FAM133B: variants seen among roughly 807,000 people sequenced by gnomAD.
The protein encoded by FAM133B is protein FAM133B.
Under a neutral mutation model 46.4 loss-of-function variants are expected in FAM133B, and 25 were observed. That is an observed-to-expected ratio of 0.54 (90% CI 0.39 to 0.75). FAM133B has a LOEUF of 0.75. Among genes scored for constraint, FAM133B ranks in the 30% least tolerant of loss-of-function variants. The pLI is 0.00. For missense variants in FAM133B, 205 were observed against 277.6 expected, an observed-to-expected ratio of 0.74 and a Z score of 1.86; for synonymous variants, 75 against 86.0, an observed-to-expected ratio of 0.87 and a Z score of 0.71.
At chr7:92,584,139 C>T (rs539177049) in intron 1 of FAM133B, among the ~76,000 whole-genome samples, 1 of 151,208 alleles carries the variant, frequency 6.6e-6, no homozygotes, top group African/African-American at 2.4e-5. Context: ...TATCTCACTG[C>T]AACTTTGAAA....
intron 8 of FAM133B, among the ~76,000 whole-genome samples, chr7:92,574,475 C>T (rs547529439): frequency 2.0e-5 from 3 of 152,062 alleles, no homozygotes; most frequent in African/African-American, 7.2e-5. Context: ...AGTTTTGAAA[C>T]GAGAGTGAGA....
At chr7:92,577,996 G>C in intron 5 of FAM133B, 154 bp downstream of exon 5, 1 of 721,202 alleles carries the variant, frequency 1.4e-6, no homozygotes, top group South Asian at 2.0e-5. Context: ...GTCAGTGATA[G>C]AACAAAATCA....
rs138815303 is a variant in FAM133B at position 92,564,582 on chromosome 7, T to C, written c.657+1432A>G. Among the ~76,000 whole-genome samples the C allele has an allele frequency of 7.2e-3, 1,101 of 152,290 alleles. 14 individuals are homozygous for C. The highest frequency in any genetic ancestry group is 0.025 in the African/African-American group (1,052 of 41,546). ...CATCGTAGGCTTGGAGCACATAAAATGTTATTTCTGAATCATTACTAGGGG... is the reference window on the plus strand; with the variant it reads ...CATCGTAGGCTTGGAGCACATAAAACGTTATTTCTGAATCATTACTAGGGG... On this transcript the variant is annotated intron_variant, in intron 10 of 10. Transcript: ENST00000445716.
chr7:92,579,182 GC>G lies in FAM133B; in HGVS notation c.201+134del, dbSNP rs375231136. On this transcript the variant is annotated intron_variant, in intron 3 of 10. Coordinates refer to ENST00000445716, the MANE Select transcript of FAM133B (RefSeq NM_152789.4). ...ATGGAGACAAGGGCGGCGGGGGGGG[GC>G]CTTACTTTGTTGCCCAGGCTGGTCA... The G allele has an allele frequency of 2.4e-5, 16 of 662,620 alleles. No individual in the cohort carries two copies. In the African/African-American group the frequency reaches 2.9e-4, roughly 12 times the overall value. 41.0% of individuals were successfully genotyped at this position (662,620 alleles called of 1,614,324 possible). A position where few individuals can be genotyped will look rare whatever the true frequency, so the allele number is the denominator to read the frequency against.
intron 3 of FAM133B, 75 bp from the exon 4 acceptor site, chr7:92,578,468 G>A: frequency 7.8e-7 from 1 of 1,281,716 alleles, no homozygotes; most frequent in South Asian, 1.3e-5. Context: ...GACAGCCACT[G>A]CTTCCTTCCC....
At chr7:92,574,561 A>C (rs994124998) in intron 8 of FAM133B, among the ~76,000 whole-genome samples, 1 of 152,196 alleles carries the variant, frequency 6.6e-6, no homozygotes, top group Admixed American at 6.5e-5. Flanking sequence ...ATTGTGTACC[A>C]TGGTATATTA....
chr7:92,578,700 G>A (rs1351786191), intron 3 of FAM133B, among the ~76,000 whole-genome samples: 2 of 152,174 alleles, frequency 1.3e-5, no homozygotes, highest in Non-Finnish European at 2.9e-5. Flanking sequence ...GGCTGTAAAA[G>A]TTGAATTAAT....
intron 10 of FAM133B, among the ~76,000 whole-genome samples, chr7:92,563,872 C>T (rs1428083951): frequency 1.3e-5 from 2 of 152,192 alleles, no homozygotes; most frequent in Non-Finnish European, 2.9e-5. Context: ...CAAAATGTAT[C>T]TCAAATCCAT....
rs181174205 is a variant in FAM133B, at chr7:92,569,292, T to G, written c.609+531A>C. Among the ~76,000 whole-genome samples, 20 of 152,310 alleles carry G rather than the reference T, an allele frequency of 1.3e-4. No homozygotes were observed. In the South Asian group the frequency reaches 2.1e-3, roughly 16 times the overall value. On this transcript the variant is annotated intron_variant, in intron 9 of 10. Coordinates refer to ENST00000445716, the MANE Select transcript of FAM133B (RefSeq NM_152789.4). ...AGAATTATGCAAACTTTAGCCACCA[T>G]TTACTCTGTCTCAGGTATGATGCAA... is the stretch of plus-strand genomic sequence containing the variant.
intron 9 of FAM133B, 95 bp downstream of exon 9, chr7:92,569,728 A>G: frequency 1.7e-6 from 1 of 597,646 alleles, no homozygotes; most frequent in Non-Finnish European, 2.7e-6. Flanking sequence ...AGGTGAATAA[A>G]TTAAATATGA....
At position 92,562,316 on chromosome 7, in the gene FAM133B, T is replaced by A; in HGVS notation, c.710A>T (p.Lys237Met). ...GTCAGGACTTGAACTAGCAGCCTTCTTTTTCTTCTTCTTACTGTGTTTCTT... is the reference window on the plus strand; with the variant it reads ...GTCAGGACTTGAACTAGCAGCCTTCATTTTCTTCTTCTTACTGTGTTTCTT... ...KHKKHSKKKKKKAASSSPDSP is the reference protein window; with the variant it reads ...KHKKHSKKKKMKAASSSPDSP The change falls in exon 11 of 11, where the codon AAG becomes ATG. Residue 237 changes from lysine (K) to methionine (M), a missense_variant. Coordinates refer to ENST00000445716, the MANE Select transcript of FAM133B (RefSeq NM_152789.4). 6.5e-7 allele frequency: 1 copy of A among 1,534,588 alleles called. No individual in the cohort carries two copies.
intron 8 of FAM133B, among the ~76,000 whole-genome samples, chr7:92,571,338 T>C (rs1370902882): frequency 2.0e-5 from 3 of 152,216 alleles, no homozygotes; most frequent in Non-Finnish European, 4.4e-5. Context: ...TATTTGCCAA[T>C]TTGTCTGTGT....
intron 1 of FAM133B, among the ~76,000 whole-genome samples, chr7:92,587,209 T>G (rs1795059787): frequency 6.6e-6 from 1 of 152,360 alleles, no homozygotes. Flanking sequence ...AGCAATCCTA[T>G]CATCTTTAAA....
chr7:92,575,711 T>C, intron 8 of FAM133B, 60 bp downstream of exon 8: 2 of 804,258 alleles, frequency 2.5e-6, no homozygotes, highest in East Asian at 5.4e-5. Context: ...ATTATTGTTA[T>C]TTAAGTCAAT....
Position 92,566,594 on chromosome 7 carries a change from T to C in FAM133B, c.610-533A>G, listed in dbSNP as rs148595503. 4.0e-3 allele frequency among the ~76,000 whole-genome samples: 608 copies of C among 152,094 alleles called. 3 individuals carry two copies. Among genetic ancestry groups the C allele is most frequent in the African/African-American group, 0.014 (591 of 41,502 alleles). ...GAGGTTGAGGCTGCAGTGAGCCCTG[T>C]TTGCACCACTGCACTCCAGCCTGGG... On this transcript the variant is annotated intron_variant, in intron 9 of 10. Coordinates refer to ENST00000445716, the MANE Select transcript of FAM133B (RefSeq NM_152789.4).
intron 3 of FAM133B, 22 bp from the exon 4 acceptor site, chr7:92,578,415 C>T (rs1191953515): frequency 1.2e-6 from 2 of 1,601,590 alleles, no homozygotes; most frequent in Non-Finnish European, 1.7e-6. Context: ...TTATGAACAC[C>T]ATCAGAGACT....
chr7:92,584,753 G>A (rs1302577342), intron 1 of FAM133B, among the ~76,000 whole-genome samples: 3 of 152,198 alleles, frequency 2.0e-5, no homozygotes, highest in African/African-American at 7.2e-5. Context: ...AGGCAGAAAT[G>A]AAGACAATGA....
intron 1 of FAM133B, chr7:92,585,542 C>T: frequency 5.8e-6 from 1 of 171,048 alleles, no homozygotes; most frequent in Non-Finnish European, 1.2e-5. Flanking sequence ...CTGGGATTCG[C>T]TAAATATATT....
intron 3 of FAM133B, among the ~76,000 whole-genome samples, chr7:92,578,678 A>G (rs1219011796): frequency 6.6e-6 from 1 of 152,204 alleles, no homozygotes; most frequent in African/African-American, 2.4e-5. Context: ...AGATGGCTAG[A>G]TTCTCCGTCT....
Sources: gnomAD v4.1 joint callset for allele counts (sites outside exome capture counted in the v4.1 genomes callset) on GRCh38, gnomAD v4.1.1 for gene constraint, MANE v1.5 for transcripts, NCBI Gene and HGNC (gene_info 2026-07-23, HGNC 2026-07-21) for gene names.